NAT10: variants seen among roughly 807,000 people sequenced by gnomAD.
NAT10 encodes the protein N-acetyltransferase 10.
A neutral mutation model predicts 132.2 loss-of-function variants in NAT10; 109 were observed. That is an observed-to-expected ratio of 0.82 (90% CI 0.71 to 0.97). The LOEUF is 0.97. Ranked by LOEUF, NAT10 falls within the 50% of genes least tolerant of loss-of-function variation. The probability of loss-of-function intolerance (pLI) is 0.00; values close to 1 mark genes in which losing one functional copy is unlikely to be tolerated. For synonymous variants in NAT10, 479 were observed against 478.0 expected (o/e 1.00, Z -0.03); for missense variants, 1,184 against 1,263.4 (o/e 0.94, Z 0.95).
At position 34,146,158 on chromosome 11, in the gene NAT10, A is replaced by G; in HGVS notation, c.3044A>G (p.Asn1015Ser). The change falls in exon 29 of 29, where the codon AAC (asparagine) becomes AGC (serine). Residue 1015 changes from asparagine (N) to serine (S), a missense_variant. By Grantham distance (46) the Asn-to-Ser change is conservative. Transcript: ENST00000257829. ...SKKLKNRETK[N>S]KKDMKLKRKK is the part of the protein sequence containing the mutation. ...AAGTTGAAGAACAGAGAGACAAAGA[A>G]CAAAAAAGATATGAAACTGAAGCGG... The G allele has an allele frequency of 6.2e-6, 10 of 1,610,038 alleles. No homozygotes were observed. The highest frequency in any genetic ancestry group is 8.5e-6 in the Non-Finnish European group (10 of 1,178,408).
chr11:34,142,464 GT>G, intron 27 of NAT10, 116 bp downstream of exon 27: 1 of 837,714 alleles, frequency 1.2e-6, no homozygotes, highest in Non-Finnish European at 1.9e-6. Flanking sequence ...CATGGGATCA[GT>G]TTTAGGGATG....
At chr11:34,132,804 G>A (rs1458768987) in intron 15 of NAT10, among the ~76,000 whole-genome samples, 1 of 152,120 alleles carries the variant, frequency 6.6e-6, no homozygotes, top group East Asian at 1.9e-4. Context: ...CTCAGTGCTC[G>A]GGGTGAGAGG....
intron 28 of NAT10, 137 bp downstream of exon 28, chr11:34,143,665 C>A: frequency 1.4e-6 from 1 of 738,918 alleles, no homozygotes; most frequent in Non-Finnish European, 2.2e-6. Context: ...CTTTGAGAGT[C>A]CCCTGGCCAT....
At chr11:34,114,396 T>C (rs1851749282) in intron 5 of NAT10, among the ~76,000 whole-genome samples, 1 of 152,182 alleles carries the variant, frequency 6.6e-6, no homozygotes, top group African/African-American at 2.4e-5. Context: ...GCCAAGTCAG[T>C]GTTCAGAGGC....
In NAT10 at chr11:34,133,158, C is replaced by A; in HGVS notation, c.1734+16C>A. 1 of 1,573,698 alleles carries A rather than the reference C, an allele frequency of 6.4e-7. No homozygotes were observed. The highest frequency in any genetic ancestry group is 8.7e-7 in the Non-Finnish European group (1 of 1,143,352). Reference sequence around the variant, plus strand: ...TGTTATCCAGGTATAGGAGCAGAGGCGTCCTTGTGGCAGTGATTTGGGGAA... The same window carrying A: ...TGTTATCCAGGTATAGGAGCAGAGGAGTCCTTGTGGCAGTGATTTGGGGAA... On this transcript the variant is annotated intron_variant, in intron 16 of 28. Transcript: ENST00000257829.
chr11:34,124,240 T>A (rs1851945607), intron 10 of NAT10, 62 bp from the exon 11 acceptor site: 3 of 1,085,842 alleles, frequency 2.8e-6, no homozygotes, highest in Non-Finnish European at 1.4e-6. Flanking sequence ...TTGCTTACTT[T>A]CATAATATTT....
chr11:34,108,810 T>C lies in NAT10; in HGVS notation c.177T>C (p.Tyr59=), dbSNP rs61735314. 7.8e-4 allele frequency: 1,260 copies of C among 1,613,930 alleles called. 12 individuals carry two copies. The African/African-American group carries it at 0.014, about 18-fold the overall frequency. ...CTCGGCCTTCAGTGCTGTGGTGTTATAAGAAAGAGCTGGGGTTTAGCAGGT... is the reference window on the plus strand; with the variant it reads ...CTCGGCCTTCAGTGCTGTGGTGTTACAAGAAAGAGCTGGGGTTTAGCAGGT... ...VKARPSVLWC[Y]KKELGFSSHR... is the part of the protein sequence containing the mutation. The change falls in exon 3 of 29, where the codon TAT becomes TAC. Residue 59 remains tyrosine, a synonymous_variant. Transcript: ENST00000257829.
chr11:34,130,206 T>C (rs1852080204), intron 12 of NAT10, among the ~76,000 whole-genome samples: 1 of 152,244 alleles, frequency 6.6e-6, no homozygotes, highest in African/African-American at 2.4e-5. Context: ...CAATGAAAGC[T>C]GATTGAGTTA....
chr11:34,117,588 C>T (rs1374658802), intron 6 of NAT10, among the ~76,000 whole-genome samples: 1 of 152,184 alleles, frequency 6.6e-6, no homozygotes, highest in Non-Finnish European at 1.5e-5. Flanking sequence ...TCAGGAGGAG[C>T]AGCTGTGTGC....
chr11:34,135,081 A>C, intron 18 of NAT10, 94 bp from the exon 19 acceptor site: 1 of 944,862 alleles, frequency 1.1e-6, no homozygotes. Flanking sequence ...ACAGGGAGGG[A>C]AGGTTCTCTA....
At position 34,132,142 on chromosome 11, in the gene NAT10, A is replaced by G. The variant is rs1239067068; in HGVS notation, c.1538A>G (p.Asp513Gly). Residue 513 changes from aspartate (D) to glycine (G), a missense_variant, in exon 15 of 29, where the codon GAT becomes GGT. Asp to Gly is a moderately conservative substitution (Grantham distance 94). Coordinates refer to ENST00000257829, the MANE Select transcript of NAT10 (RefSeq NM_024662.3). The stretch of plus-strand genomic sequence containing the variant: ...AGACCCAGGTACTATGTTAATAGAG[A>G]TACCCTCTTTTGCTACCACAAGGCC... ...EACELYYVNRDTLFCYHKASE... is the reference protein window; with the variant it reads ...EACELYYVNRGTLFCYHKASE... 3.7e-6 allele frequency: 6 copies of G among 1,613,782 alleles called. No homozygotes were observed. The highest frequency in any genetic ancestry group is 1.7e-5 in the Admixed American group (1 of 60,018).
intron 21 of NAT10, among the ~76,000 whole-genome samples, chr11:34,138,126 C>T (rs973830398): frequency 3.3e-5 from 5 of 152,162 alleles, no homozygotes; most frequent in Non-Finnish European, 7.3e-5. Flanking sequence ...GGGTTCGATC[C>T]TGCAATTAGT....
At chr11:34,120,917 A>G (rs1295043075) in intron 8 of NAT10, among the ~76,000 whole-genome samples, 2 of 152,166 alleles carry the variant, frequency 1.3e-5, no homozygotes, top group African/African-American at 4.8e-5. Flanking sequence ...GAGGTGAGGA[A>G]ACAAGCCCTG....
intron 5 of NAT10, among the ~76,000 whole-genome samples, chr11:34,115,204 T>C (rs1356427924): frequency 6.6e-6 from 1 of 152,186 alleles, no homozygotes; most frequent in East Asian, 1.9e-4. Context: ...AGAGTTAGTT[T>C]TCTTTGCTGT....
intron 21 of NAT10, among the ~76,000 whole-genome samples, 184 bp downstream of exon 21, chr11:34,137,210 C>T (rs139079808): frequency 6.6e-6 from 1 of 152,348 alleles, no homozygotes; most frequent in African/African-American, 2.4e-5. Context: ...CACATCATCA[C>T]ACATTTCTTC....
At chr11:34,139,112 G>A in intron 21 of NAT10, 79 bp from the exon 22 acceptor site, 1 of 1,320,700 alleles carries the variant, frequency 7.6e-7, no homozygotes. Flanking sequence ...TTTCTTCTCT[G>A]AGTGTTTACC....
At chr11:34,141,669 G>C in intron 25 of NAT10, 50 bp from the exon 26 acceptor site, 1 of 1,554,170 alleles carries the variant, frequency 6.4e-7, no homozygotes, top group Non-Finnish European at 8.9e-7. Flanking sequence ...GGGTGACTGG[G>C]TCCCTGCTGC....
chr11:34,139,226 G>A lies in NAT10; in HGVS notation c.2247G>A (p.Leu749=). The A allele has an allele frequency of 6.2e-7, 1 of 1,614,126 alleles. No homozygotes were observed. The highest frequency in any genetic ancestry group is 8.5e-7 in the Non-Finnish European group (1 of 1,180,016). ...CCGGAGAGCACTCGTGCATCATGCT[G>A]AAGACGCTCACTGATGAGGATGAGG... ...DLTGEHSCIM[L]KTLTDEDEAD... is the part of the protein sequence containing the mutation. The change falls in exon 22 of 29, where the codon CTG becomes CTA. Residue 749 remains leucine (L), a synonymous_variant. Transcript: ENST00000257829.
chr11:34,134,510 A>G lies in NAT10; in HGVS notation c.1837-2A>G, dbSNP rs1205073866. ...AGTTACTGGTTTGTGTCTCCCACAC[A>G]GTTCCAAGATCCAGACTTTGGTGGT... On this transcript the variant is annotated splice_acceptor_variant, in intron 17 of 28. Coordinates refer to ENST00000257829, the MANE Select transcript of NAT10 (RefSeq NM_024662.3). LOFTEE classifies it high-confidence loss of function. 1 of 1,614,198 alleles carries G rather than the reference A, an allele frequency of 6.2e-7. No homozygotes were observed. The highest frequency in any genetic ancestry group is 1.3e-5 in the African/African-American group (1 of 75,056).
Sources: gnomAD v4.1 joint callset for allele counts (sites outside exome capture counted in the v4.1 genomes callset) on GRCh38, gnomAD v4.1.1 for gene constraint, MANE v1.5 for transcripts, NCBI Gene and HGNC (gene_info 2026-07-23, HGNC 2026-07-21) for gene names.